The following RELN variants were observed in gnomAD, a reference collection of about 807,000 sequenced individuals.
RELN encodes reelin.
In RELN, 108 loss-of-function variants were observed where a neutral mutation model predicts 427.6. The ratio of observed to expected loss-of-function variants is 0.25; its 90% CI spans 0.22 to 0.30. The LOEUF is 0.30. Ranked by LOEUF, RELN falls within the 10% of genes least tolerant of loss-of-function variation. The probability of loss-of-function intolerance (pLI) is 1.00; values close to 1 mark genes in which losing one functional copy is unlikely to be tolerated. For missense variants in RELN, 3,715 were observed against 4,302.8 expected (o/e 0.86, Z 3.82); for synonymous variants, 1,524 against 1,513.4 (o/e 1.01, Z -0.16).
intron 3 of RELN, among the ~76,000 whole-genome samples, chr7:103,808,273 A>AG (rs539108114): frequency 8.1e-6 from 1 of 123,456 alleles, no homozygotes; most frequent in African/African-American, 3.1e-5. Flanking sequence ...GGGTGTGGGG[A>AG]GGGGGGAGGG....
At chr7:103,610,924 C>T (rs1831938956) in intron 21 of RELN, 117 bp from the exon 22 acceptor site, 3 of 713,520 alleles carry the variant, frequency 4.2e-6, no homozygotes, top group Non-Finnish European at 7.7e-6. Context: ...ATAATCTTAA[C>T]TATTTGTGAT....
At chr7:103,630,268 A>G in intron 19 of RELN, 92 bp from the exon 20 acceptor site, 1 of 864,724 alleles carries the variant, frequency 1.2e-6, no homozygotes, top group Non-Finnish European at 1.9e-6. Flanking sequence ...GAAGTATAGT[A>G]TTAAAGAAAT....
intron 3 of RELN, among the ~76,000 whole-genome samples, chr7:103,800,435 A>C (rs182140172): frequency 6.6e-6 from 1 of 152,324 alleles, no homozygotes; most frequent in East Asian, 1.9e-4. Context: ...ACACATCTAC[A>C]ACCATCTGAT....
At chr7:103,688,155 C>A (rs538643247) in intron 10 of RELN, among the ~76,000 whole-genome samples, 4 of 152,022 alleles carry the variant, frequency 2.6e-5, no homozygotes, top group Non-Finnish European at 5.9e-5. Flanking sequence ...ATGCAATTAA[C>A]CATGCTGGAA....
At chr7:103,670,391 G>A (rs565497720) in intron 11 of RELN, among the ~76,000 whole-genome samples, 104 of 152,152 alleles carry the variant, frequency 6.8e-4, no homozygotes, top group African/African-American at 2.4e-3. Context: ...TTCTTTGTCT[G>A]TCAACATGGG....
intron 6 of RELN, among the ~76,000 whole-genome samples, chr7:103,743,679 A>C (rs1454433693): frequency 6.6e-6 from 1 of 152,220 alleles, no homozygotes; most frequent in Non-Finnish European, 1.5e-5. Context: ...ACGTTACATA[A>C]TGGTAAAGGG....
chr7:103,959,011 G>C (rs1796493660), intron 1 of RELN, among the ~76,000 whole-genome samples: 1 of 152,252 alleles, frequency 6.6e-6, no homozygotes, highest in East Asian at 1.9e-4. Flanking sequence ...GCATGATCTC[G>C]TTTCACTGGA....
intron 16 of RELN, among the ~76,000 whole-genome samples, chr7:103,644,819 A>G (rs934872575): frequency 6.6e-6 from 1 of 151,758 alleles, no homozygotes; most frequent in African/African-American, 2.4e-5. Context: ...TCACCAAGTT[A>G]TATAGTCATC....
chr7:103,738,175 T>A (rs1324982583), intron 6 of RELN, among the ~76,000 whole-genome samples: 1 of 150,906 alleles, frequency 6.6e-6, no homozygotes, highest in Non-Finnish European at 1.5e-5. Context: ...CATCAGAGCC[T>A]GGTGATATTA....
intron 16 of RELN, among the ~76,000 whole-genome samples, chr7:103,650,054 T>G (rs1390981388): frequency 1.3e-5 from 2 of 151,434 alleles, no homozygotes; most frequent in African/African-American, 2.4e-5. Flanking sequence ...TGTGAAACAT[T>G]CTAGCATCTA....
At chr7:103,602,793 C>G (rs1831705057) in intron 24 of RELN, among the ~76,000 whole-genome samples, 1 of 152,062 alleles carries the variant, frequency 6.6e-6, no homozygotes, top group Non-Finnish European at 1.5e-5. Context: ...AACAAACCTG[C>G]ACGTTCTGCA....
chr7:103,961,136 G>A (rs1796545044), intron 1 of RELN, among the ~76,000 whole-genome samples: 1 of 152,208 alleles, frequency 6.6e-6, no homozygotes, highest in Non-Finnish European at 1.5e-5. Flanking sequence ...ATAGGTACCT[G>A]TATTCTTCAC....
At chr7:103,834,220 T>C (rs539872556) in intron 2 of RELN, among the ~76,000 whole-genome samples, 92 of 152,304 alleles carry the variant, frequency 6.0e-4, no homozygotes, top group Middle Eastern at 6.8e-3. Context: ...AGTATCTTAG[T>C]TTGTTGTTGC....
Position 103,929,854 on chromosome 7 carries a change from G to A in RELN, c.227-12669C>T, listed in dbSNP as rs768108900. 1.6e-3 allele frequency among the ~76,000 whole-genome samples: 243 copies of A among 152,290 alleles called. 1 individual carries two copies. The highest frequency in any genetic ancestry group is 5.2e-3 in the African/African-American group (217 of 41,542). On this transcript the variant is annotated intron_variant, in intron 1 of 64. Transcript: ENST00000428762. ...ACAAGCATTTGACTTCAACGCATCCGGCAACTCAAAAGTTTTCACTGCTCT... is the reference window on the plus strand; with the variant it reads ...ACAAGCATTTGACTTCAACGCATCCAGCAACTCAAAAGTTTTCACTGCTCT...
At chr7:103,820,906 G>T (rs1041802540) in intron 3 of RELN, among the ~76,000 whole-genome samples, 2 of 151,788 alleles carry the variant, frequency 1.3e-5, no homozygotes, top group African/African-American at 4.8e-5. Context: ...GTTTAATTTT[G>T]AGAGAAAAAC....
chr7:103,596,877 T>C (rs923507867), intron 24 of RELN, among the ~76,000 whole-genome samples: 1 of 152,194 alleles, frequency 6.6e-6, no homozygotes, highest in African/African-American at 2.4e-5. Context: ...CATTACTGAT[T>C]CCCAGGCTGG....
intron 11 of RELN, among the ~76,000 whole-genome samples, chr7:103,676,107 T>G (rs143956870): frequency 6.6e-6 from 1 of 152,020 alleles, no homozygotes; most frequent in African/African-American, 2.4e-5. Context: ...AGGCAACCTA[T>G]AGAATGGGAG....
chr7:103,674,015 T>C (rs1833453782), intron 11 of RELN, among the ~76,000 whole-genome samples: 1 of 152,130 alleles, frequency 6.6e-6, no homozygotes. Flanking sequence ...AATATTGCAT[T>C]CCATGTATTC....
Position 103,540,465 on chromosome 7 carries a change from G to T in RELN, c.6672-10C>A, listed in dbSNP as rs372225140. On this transcript the variant is annotated splice_polypyrimidine_tract_variant and intron_variant, in intron 43 of 64. Transcript: ENST00000428762. ...GAAGAACTGCACAAATCTGACATTT[G>T]TAAACGTTACTGAAGACTTTCACTT... 61 of 1,613,134 alleles carry T rather than the reference G, an allele frequency of 3.8e-5. No homozygotes were observed. The African/African-American group carries it at 7.6e-4, about 20-fold the overall frequency.
Sources: allele counts gnomAD v4.1 joint callset (sites outside exome capture counted in the v4.1 genomes callset), GRCh38; gene constraint gnomAD v4.1.1; transcripts MANE v1.5; gene names NCBI Gene and HGNC (gene_info 2026-07-23, HGNC 2026-07-21).